The following CSF2RA variants were observed in gnomAD, a reference collection of about 807,000 sequenced individuals.
The protein encoded by CSF2RA is granulocyte-macrophage colony-stimulating factor receptor subunit alpha.
A neutral mutation model predicts 51.6 loss-of-function variants in CSF2RA; 42 were observed. The ratio of observed to expected loss-of-function variants is 0.81; its 90% CI spans 0.64 to 1.05. The LOEUF (loss-of-function observed/expected upper bound fraction) is 1.05. CSF2RA is among the 50% of genes least tolerant of loss of function. The pLI is 0.00. For missense variants in CSF2RA, 530 were observed against 501.1 expected, an observed-to-expected ratio of 1.06 and a Z score of -0.55; for synonymous variants, 222 against 193.0, an observed-to-expected ratio of 1.15 and a Z score of -1.24.
chrX:1,290,146 T>C (rs2091256109), intron 6 of CSF2RA, among the ~76,000 whole-genome samples, 191 bp from the exon 7 acceptor site: 1 of 151,982 alleles, frequency 6.6e-6, no homozygotes, highest in Non-Finnish European at 1.5e-5. Flanking sequence ...TTTGTGTTTG[T>C]TTTCGTTTTG....
chrX:1,288,409 A>C, intron 4 of CSF2RA, 110 bp from the exon 5 acceptor site: 1 of 1,004,364 alleles, frequency 1.0e-6, no homozygotes, highest in Non-Finnish European at 1.5e-6. Flanking sequence ...TTGAACCTGG[A>C]AGGCGGAGGT....
rs542396685 is a variant in CSF2RA at position 1,305,194 on chromosome X, A to T, written c.1044-252A>T. On this transcript the variant is annotated intron_variant, in intron 11 of 12. Transcript: ENST00000381529. Reference sequence around the variant, plus strand: ...TTTTTAGTAGAGACGGGGTTTCACCACGTTGGCCAGGCTGGTCTCAAACCT... The same window carrying T: ...TTTTTAGTAGAGACGGGGTTTCACCTCGTTGGCCAGGCTGGTCTCAAACCT... Among the ~76,000 whole-genome samples, 49 of 149,832 alleles carry T rather than the reference A, an allele frequency of 3.3e-4. 1 individual carries two copies. Among genetic ancestry groups the T allele is most frequent in the African/African-American group, 1.2e-3 (49 of 40,640 alleles).
chrX:1,299,899 C>T (rs768234336), intron 9 of CSF2RA, among the ~76,000 whole-genome samples: 8 of 151,908 alleles, frequency 5.3e-5, no homozygotes, highest in Non-Finnish European at 1.0e-4. Context: ...GCCTGGGCGA[C>T]AGAGCGAGAG....
At chrX:1,316,881 G>A in the CSF2RA span, among the ~76,000 whole-genome samples, 67 of 152,262 alleles carry the variant, frequency 4.4e-4, no homozygotes, top group African/African-American at 1.1e-3. Flanking sequence ...CCCCCCTAAC[G>A]GTTTGCTGAA....
At chrX:1,270,912 G>C (rs746676947) in intron 1 of CSF2RA, among the ~76,000 whole-genome samples, 92 of 42,414 alleles carry the variant, frequency 2.2e-3, no homozygotes, top group East Asian at 0.011. Flanking sequence ...CGTGGTGGCG[G>C]GCGCCTGTAA....
intron 2 of CSF2RA, chrX:1,281,967 AG>A (rs1463460254): frequency 1.4e-5 from 2 of 143,730 alleles, no homozygotes; most frequent in Non-Finnish European, 3.0e-5. Context: ...AGGCCGAGGC[AG>A]GTGGATCACG....
the CSF2RA span, among the ~76,000 whole-genome samples, chrX:1,319,362 A>G: frequency 6.8e-6 from 1 of 147,380 alleles, no homozygotes; most frequent in South Asian, 2.3e-4. Flanking sequence ...ATCATGGCTC[A>G]CTGTAGCCTC....
chrX:1,285,662 A>G, intron 3 of CSF2RA, 116 bp from the exon 4 acceptor site: 1 of 1,246,222 alleles, frequency 8.0e-7, no homozygotes, highest in Non-Finnish European at 1.1e-6. Flanking sequence ...AGATCACAGC[A>G]CTGCACTCCA....
chrX:1,314,022 TTAAAA>T (rs774044306), downstream of CSF2RA, among the ~76,000 whole-genome samples: 70 of 151,830 alleles, frequency 4.6e-4, no homozygotes, highest in Middle Eastern at 6.8e-3. Flanking sequence ...TAAAATTAAA[TTAAAA>T]TAAAATTAAA....
chrX:1,324,691 G>A, the CSF2RA span, among the ~76,000 whole-genome samples: 1 of 152,116 alleles, frequency 6.6e-6, no homozygotes, highest in Non-Finnish European at 1.5e-5. Context: ...TGCCCAGCAG[G>A]GCCGCTTGGG....
chrX:1,284,197 T>C (rs28582235), intron 3 of CSF2RA, among the ~76,000 whole-genome samples: 2,442 of 24,174 alleles, frequency 0.1, 73 homozygotes, highest in East Asian at 0.22. Flanking sequence ...CTGTCTCTCT[T>C]TTTTTTTTTT....
intron 2 of CSF2RA, among the ~76,000 whole-genome samples, chrX:1,280,706 C>T (rs1446717552): frequency 6.7e-6 from 1 of 149,108 alleles, no homozygotes; most frequent in African/African-American, 2.5e-5. Flanking sequence ...TCTTCTTCTT[C>T]TCTTTCCCCT....
At chrX:1,277,454 G>C (rs1248814968) in intron 2 of CSF2RA, among the ~76,000 whole-genome samples, 4 of 150,602 alleles carry the variant, frequency 2.7e-5, no homozygotes, top group Admixed American at 6.7e-5. Flanking sequence ...AAATTAGCCA[G>C]GTGTGGTGGT....
intron 2 of CSF2RA, among the ~76,000 whole-genome samples, chrX:1,278,105 A>G (rs1198505024): frequency 6.8e-6 from 1 of 147,752 alleles, no homozygotes; most frequent in African/African-American, 2.5e-5. Flanking sequence ...AGCCCGAGGC[A>G]GGTGGATCAC....
intron 9 of CSF2RA, among the ~76,000 whole-genome samples, chrX:1,299,061 C>G (rs2092200851): frequency 6.6e-6 from 1 of 152,198 alleles, no homozygotes; most frequent in African/African-American, 2.4e-5. Flanking sequence ...GCAGATCTCA[C>G]ACGGGTGAGG....
chrX:1,325,127 G>C, the CSF2RA span, among the ~76,000 whole-genome samples: 419 of 151,436 alleles, frequency 2.8e-3, no homozygotes, highest in Middle Eastern at 6.8e-3. Context: ...TTGGGAGGCC[G>C]AGACGGGCGG....
In CSF2RA at chrX:1,309,628, T is replaced by C; in HGVS notation, c.*149T>C. The stretch of plus-strand genomic sequence containing the variant: ...GGGGCCAGGCGCGGTGGCTCACGCC[T>C]GTAATCCCAGCACTTTGGGAGGCCA... On this transcript the variant is annotated 3_prime_UTR_variant, in exon 13 of 13. Transcript: ENST00000381529. 1 of 1,595,564 alleles carries C rather than the reference T, an allele frequency of 6.3e-7. No individual in the cohort carries two copies. Among genetic ancestry groups the C allele is most frequent in the Non-Finnish European group, 8.6e-7 (1 of 1,163,512 alleles).
chrX:1,314,879 C>CAAAGGAAGAGCAATGCAGACA (rs1569515074), downstream of CSF2RA, among the ~76,000 whole-genome samples: 1 of 77,344 alleles, frequency 1.3e-5, no homozygotes, highest in African/African-American at 4.6e-5. Context: ...CGCACTGCAC[C>CAAAGGAAGAGCAATGCAGACA]TGCCCAACCA....
downstream of CSF2RA, among the ~76,000 whole-genome samples, chrX:1,314,552 G>T (rs867895881): frequency 1.4e-4 from 14 of 97,754 alleles, no homozygotes; most frequent in South Asian, 1.1e-3. Flanking sequence ...CAATCCCACT[G>T]CACCTGCCCA....
Sources: gnomAD v4.1 joint callset for allele counts (sites outside exome capture counted in the v4.1 genomes callset) on GRCh38, gnomAD v4.1.1 for gene constraint, MANE v1.5 for transcripts, NCBI Gene and HGNC (gene_info 2026-07-23, HGNC 2026-07-21) for gene names.